The following CHRNA3 variants were observed in gnomAD, a reference collection of about 807,000 sequenced individuals.
CHRNA3 encodes the protein cholinergic receptor nicotinic alpha 3 subunit, also known as neuronal acetylcholine receptor subunit alpha-3.
CHRNA3 carries 34 observed loss-of-function variants against 41.9 expected under a neutral mutation model. The ratio of observed to expected loss-of-function variants is 0.81; its 90% CI spans 0.62 to 1.08. The LOEUF (loss-of-function observed/expected upper bound fraction) is 1.08. Ranked by LOEUF, CHRNA3 falls within the 50% of genes least tolerant of loss-of-function variation. The probability of loss-of-function intolerance (pLI) is 0.00; values close to 1 mark genes in which losing one functional copy is unlikely to be tolerated. For missense variants in CHRNA3, 542 were observed against 638.3 expected (o/e 0.85, Z 1.63); for synonymous variants, 281 against 265.2 (o/e 1.06, Z -0.58).
At chr15:78,603,870 T>C (rs2053243296) in intron 4 of CHRNA3, among the ~76,000 whole-genome samples, 1 of 152,136 alleles carries the variant, frequency 6.6e-6, no homozygotes, top group South Asian at 2.1e-4. Flanking sequence ...TTCCTGCTCC[T>C]GGCTCCAGGA....
intron 4 of CHRNA3, among the ~76,000 whole-genome samples, chr15:78,602,907 G>A (rs895635754): frequency 1.3e-5 from 2 of 151,948 alleles, no homozygotes; most frequent in Non-Finnish European, 2.9e-5. Flanking sequence ...CTTGTCTTTC[G>A]AATTCAGCCT....
rs531559276 is a variant in CHRNA3 at position 78,610,382 on chromosome 15, A to G, written c.377+6642T>C. Reference sequence around the variant, plus strand: ...CAAATTGTAACAAACTGTCTCTCAGACCACAGTGCAATCAAACTAGAACTC... The same window carrying G: ...CAAATTGTAACAAACTGTCTCTCAGGCCACAGTGCAATCAAACTAGAACTC... On this transcript the variant is annotated intron_variant, in intron 4 of 5. Transcript: ENST00000326828. 4.6e-5 allele frequency among the ~76,000 whole-genome samples: 7 copies of G among 152,336 alleles called. No homozygotes were observed. In the East Asian group the frequency reaches 1.3e-3, roughly 29 times the overall value.
rs1201673840 is a variant in CHRNA3, at chr15:78,602,245, C to G, written c.397G>C (p.Val133Leu). 6.2e-7 allele frequency: 1 copy of G among 1,613,544 alleles called. No homozygotes were observed. The highest frequency in any genetic ancestry group is 8.5e-7 in the Non-Finnish European group (1 of 1,179,712). The part of the protein sequence containing the change: ...LYNNAVGDFQ[V>L]DDKTKALLKY... ...AGTAAGGCTTTGGTCTTGTCGTCCA[C>G]CTGGAAATCCCCAACAGCACTGCAA... The change falls in exon 5 of 6, where the codon GTG (valine) becomes CTG (leucine). Residue 133 changes from valine (V) to leucine (L), a missense_variant. By Grantham distance (32) the Val-to-Leu change is conservative. Transcript: ENST00000326828.
Position 78,617,088 on chromosome 15 carries a change from C to T in CHRNA3, c.313G>A (p.Gly105Arg). ...KLKWNPSDYGGAEFMRVPAQK... is the reference protein window; with the variant it reads ...KLKWNPSDYGRAEFMRVPAQK... Reference sequence around the variant, plus strand: ...GCAGGGACACGCATGAACTCTGCCCCACCATAGTCAGAGGGGTTCCATTTC... The same window carrying T: ...GCAGGGACACGCATGAACTCTGCCCTACCATAGTCAGAGGGGTTCCATTTC... The change falls in exon 4 of 6, where the codon GGG (glycine) becomes AGG (arginine). Residue 105 changes from glycine to arginine, a missense_variant. Coordinates refer to ENST00000326828, the MANE Select transcript of CHRNA3 (RefSeq NM_000743.5). 1 of 1,613,918 alleles carries T rather than the reference C, an allele frequency of 6.2e-7. No individual in the cohort carries two copies. Among genetic ancestry groups the T allele is most frequent in the African/African-American group, 1.3e-5 (1 of 75,048 alleles).
Position 78,614,487 on chromosome 15 carries a change from T to C in CHRNA3, c.377+2537A>G, listed in dbSNP as rs571607506. Reference sequence around the variant, plus strand: ...AAAACAGTAAATAAAACATGGACTGTCTTTAGAGTGAGTAAAGACCCACTT... The same window carrying C: ...AAAACAGTAAATAAAACATGGACTGCCTTTAGAGTGAGTAAAGACCCACTT... On this transcript the variant is annotated intron_variant, in intron 4 of 5. Coordinates refer to ENST00000326828, the MANE Select transcript of CHRNA3 (RefSeq NM_000743.5). Among the ~76,000 whole-genome samples the C allele has an allele frequency of 7.9e-5, 12 of 152,354 alleles. No homozygotes were observed. The South Asian group carries it at 2.3e-3, about 29-fold the overall frequency.
At chr15:78,602,535 T>A (rs1346111110) in intron 4 of CHRNA3, among the ~76,000 whole-genome samples, 1 of 152,178 alleles carries the variant, frequency 6.6e-6, no homozygotes, top group Non-Finnish European at 1.5e-5. Context: ...GGTCCCAAAC[T>A]GATAGACTCC....
chr15:78,616,142 C>T (rs1019684022), intron 4 of CHRNA3, among the ~76,000 whole-genome samples: 3 of 151,616 alleles, frequency 2.0e-5, no homozygotes, highest in Non-Finnish European at 2.9e-5. Flanking sequence ...TGCTTGAGGT[C>T]AGGAGTTCAA....
Position 78,601,416 on chromosome 15 carries a change from C to T in CHRNA3, c.1226G>A (p.Arg409Lys), listed in dbSNP as rs759413686. ...AGCACTGAAATTGGAGATTTTTATCCTGCGGTGGTGGCAGTAACCACACAT... is the reference window on the plus strand; with the variant it reads ...AGCACTGAAATTGGAGATTTTTATCTTGCGGTGGTGGCAGTAACCACACAT... ...DGMCGYCHHR[R>K]IKISNFSANL... Residue 409 changes from arginine (R) to lysine (K), a missense_variant, in exon 5 of 6, where the codon AGG (arginine) becomes AAG (lysine). Arg to Lys is a conservative substitution (Grantham distance 26). Coordinates refer to ENST00000326828, the MANE Select transcript of CHRNA3 (RefSeq NM_000743.5). The T allele has an allele frequency of 6.2e-7, 1 of 1,614,164 alleles. No individual in the cohort carries two copies. The highest frequency in any genetic ancestry group is 2.2e-5 in the East Asian group (1 of 44,874).
rs768921836 is a variant in CHRNA3 at position 78,596,640 on chromosome 15, C to T, written c.1482G>A (p.Leu494=). 1 of 1,610,632 alleles carries T rather than the reference C, an allele frequency of 6.2e-7. No homozygotes were observed. Among genetic ancestry groups the T allele is most frequent in the Non-Finnish European group, 8.5e-7 (1 of 1,179,420 alleles). ...CCCTGGCCATCAGGGGTTGCAGAAA[C>T]AATCCTGCTGTCCCTAGAATGCACA... ...TLVCILGTAG[L]FLQPLMARED... The change falls in exon 6 of 6, where the codon TTG becomes TTA. Residue 494 remains leucine, a synonymous_variant. Transcript: ENST00000326828.
At chr15:78,618,448 G>C (rs1405164245) in intron 3 of CHRNA3, 169 bp downstream of exon 3, 9 of 705,048 alleles carry the variant, frequency 1.3e-5, no homozygotes, top group Non-Finnish European at 1.9e-5. Flanking sequence ...CTGTAGGGCA[G>C]TGCATGTGAC....
At chr15:78,593,124 T>G, downstream of CHRNA3, 1 of 1,613,058 alleles carries the variant, frequency 6.2e-7, no homozygotes, top group Non-Finnish European at 8.5e-7. Context: ...TAGCCCAGGT[T>G]CTTGATCGGA....
Position 78,602,320 on chromosome 15 carries a change from T to C in CHRNA3, c.378-56A>G, listed in dbSNP as rs1001563191. On this transcript the variant is annotated intron_variant, in intron 4 of 5. Coordinates refer to ENST00000326828, the MANE Select transcript of CHRNA3 (RefSeq NM_000743.5). ...CACGGTCATTAACACTTGGTCATAT[T>C]GTGGTCATCTCAACCAGCTTCTCAC... The C allele has an allele frequency of 1.4e-5, 21 of 1,543,890 alleles. No individual in the cohort carries two copies. The African/African-American group carries it at 2.5e-4, about 18-fold the overall frequency.
chr15:78,616,994 T>C, intron 4 of CHRNA3, 30 bp downstream of exon 4: 1 of 1,533,528 alleles, frequency 6.5e-7, no homozygotes, highest in Non-Finnish European at 9.0e-7. Context: ...CTGACAGCCC[T>C]GAGAGGGCGT....
At chr15:78,612,270 G>C (rs577326618) in intron 4 of CHRNA3, among the ~76,000 whole-genome samples, 1 of 150,298 alleles carries the variant, frequency 6.7e-6, no homozygotes, top group East Asian at 1.9e-4. Context: ...TCAATCCTAA[G>C]CCAAAAGAAC....
intron 4 of CHRNA3, among the ~76,000 whole-genome samples, chr15:78,603,472 C>T (rs1259626643): frequency 6.6e-6 from 1 of 152,226 alleles, no homozygotes; most frequent in Non-Finnish European, 1.5e-5. Flanking sequence ...TGGCCCTGCC[C>T]AGGAAGGTTC....
At position 78,611,931 on chromosome 15, in the gene CHRNA3, C is replaced by G. The variant is rs185288106; in HGVS notation, c.377+5093G>C. 7.5e-4 allele frequency among the ~76,000 whole-genome samples: 114 copies of G among 152,226 alleles called. 1 individual carries two copies. Among genetic ancestry groups the G allele is most frequent in the African/African-American group, 2.6e-3 (108 of 41,508 alleles). ...AGCATTCTTACACGCCAATAACAGA[C>G]AAACAGCCAAATCATGAGTGAACTA... On this transcript the variant is annotated intron_variant, in intron 4 of 5. Coordinates refer to ENST00000326828, the MANE Select transcript of CHRNA3 (RefSeq NM_000743.5).
chr15:78,607,103 C>T (rs910630134), intron 4 of CHRNA3, among the ~76,000 whole-genome samples: 1 of 151,742 alleles, frequency 6.6e-6, no homozygotes, highest in South Asian at 2.1e-4. Flanking sequence ...GTGGCACACA[C>T]CTGTAATCCC....
chr15:78,616,325 C>T (rs1011834279), intron 4 of CHRNA3, among the ~76,000 whole-genome samples: 1 of 151,514 alleles, frequency 6.6e-6, no homozygotes, highest in African/African-American at 2.4e-5. Flanking sequence ...TGCACTCCAG[C>T]CTGGGTGACA....
At chr15:78,617,743 C>T (rs2053486939) in intron 3 of CHRNA3, among the ~76,000 whole-genome samples, 1 of 152,172 alleles carries the variant, frequency 6.6e-6, no homozygotes, top group African/African-American at 2.4e-5. Flanking sequence ...TTTCCAACCT[C>T]CTGGGGATGA....
Sources: allele counts gnomAD v4.1 joint callset (sites outside exome capture counted in the v4.1 genomes callset), GRCh38; gene constraint gnomAD v4.1.1; transcripts MANE v1.5; gene names NCBI Gene and HGNC (gene_info 2026-07-23, HGNC 2026-07-21).